FBXO25: variants seen among roughly 807,000 people sequenced by gnomAD.
FBXO25 encodes F-box only protein 25.
Under a neutral mutation model 51.9 loss-of-function variants are expected in FBXO25, and 45 were observed. That is an observed-to-expected ratio of 0.87 (90% CI 0.68 to 1.11). The LOEUF is 1.11. Among genes scored for constraint, FBXO25 ranks in the 50% most tolerant of loss-of-function variants. FBXO25 has a pLI of 0.00. For synonymous variants in FBXO25, 199 were observed against 151.0 expected, an observed-to-expected ratio of 1.32 and a Z score of -2.33; for missense variants, 507 against 428.5, an observed-to-expected ratio of 1.18 and a Z score of -1.62.
At chr8:468,309 T>C in intron 9 of FBXO25, 1 of 1,015,356 alleles carries the variant, frequency 9.8e-7, no homozygotes, top group Non-Finnish European at 1.2e-6. Flanking sequence ...GAGGGAACCC[T>C]GTGTAACAAA....
At chr8:467,990 C>T (rs1362211084) in intron 9 of FBXO25, 3 of 1,363,812 alleles carry the variant, frequency 2.2e-6, no homozygotes, top group Non-Finnish European at 2.8e-6. Flanking sequence ...TAGATGTGCG[C>T]ATAAACACTT....
chr8:456,201 T>TTTTTG (rs796969252), intron 7 of FBXO25, among the ~76,000 whole-genome samples: 40 of 152,332 alleles, frequency 2.6e-4, no homozygotes, highest in African/African-American at 8.9e-4. Flanking sequence ...GCACGTTATC[T>TTTTTG]TTTTGTTTTG....
At chr8:461,876 C>A (rs984390962) in intron 8 of FBXO25, among the ~76,000 whole-genome samples, 2 of 152,210 alleles carry the variant, frequency 1.3e-5, no homozygotes, top group African/African-American at 4.8e-5. Context: ...TGTATATCCA[C>A]TTTTTGTTTA....
chr8:465,336 C>T (rs1800085172), intron 9 of FBXO25, among the ~76,000 whole-genome samples: 1 of 152,188 alleles, frequency 6.6e-6, no homozygotes. Context: ...AGTGCTTCTC[C>T]TAAGAGTTAC....
intron 7 of FBXO25, among the ~76,000 whole-genome samples, chr8:456,761 T>C (rs1417260019): frequency 6.6e-6 from 1 of 152,080 alleles, no homozygotes; most frequent in Non-Finnish European, 1.5e-5. Flanking sequence ...TGGCTTGGAG[T>C]GCATCACTGG....
intron 5 of FBXO25, among the ~76,000 whole-genome samples, chr8:441,581 A>G (rs945496181): frequency 1.3e-5 from 2 of 152,238 alleles, no homozygotes; most frequent in Admixed American, 6.5e-5. Flanking sequence ...CGAAGAGGCA[A>G]CCTACAGAAT....
chr8:419,328 C>T (rs1238306363), intron 2 of FBXO25, among the ~76,000 whole-genome samples: 5 of 152,204 alleles, frequency 3.3e-5, no homozygotes, highest in African/African-American at 1.2e-4. Context: ...GAGATCCTGT[C>T]ATTGCACTCC....
chr8:467,738 C>G, intron 9 of FBXO25: 1 of 1,614,064 alleles, frequency 6.2e-7, no homozygotes. Flanking sequence ...TCTTGCTTTA[C>G]TATTCAAGGT....
intron 4 of FBXO25, among the ~76,000 whole-genome samples, chr8:433,748 G>C (rs1212313811): frequency 1.3e-5 from 2 of 152,182 alleles, no homozygotes; most frequent in African/African-American, 2.4e-5. Context: ...TGTTATTTCA[G>C]GGTAAGTTAA....
chr8:422,865 G>T (rs555923998), intron 2 of FBXO25, among the ~76,000 whole-genome samples: 2 of 152,224 alleles, frequency 1.3e-5, no homozygotes, highest in South Asian at 2.1e-4. Context: ...GCTTTCTATG[G>T]TGTCTTTATT....
intron 8 of FBXO25, among the ~76,000 whole-genome samples, chr8:462,281 T>C (rs572114762): frequency 1.8e-4 from 27 of 152,384 alleles, no homozygotes; most frequent in African/African-American, 5.5e-4. Context: ...TGAGACTTAT[T>C]TAGATAAATG....
rs559458440 is a variant in FBXO25, at chr8:416,326, C to T, written c.134+3113C>T. 5.1e-4 allele frequency among the ~76,000 whole-genome samples: 78 copies of T among 152,356 alleles called. 1 individual carries two copies. Among genetic ancestry groups the T allele is most frequent in the African/African-American group, 1.8e-3 (73 of 41,580 alleles). On this transcript the variant is annotated intron_variant, in intron 2 of 9. Transcript: ENST00000350302. ...TTCAAAACAACCGGATCTCTTGTGTCACCAGGAAATCCAGAGCCATCAGAC... is the reference window on the plus strand; with the variant it reads ...TTCAAAACAACCGGATCTCTTGTGTTACCAGGAAATCCAGAGCCATCAGAC...
At chr8:420,146 A>G (rs987723930) in intron 2 of FBXO25, among the ~76,000 whole-genome samples, 1 of 152,110 alleles carries the variant, frequency 6.6e-6, no homozygotes, top group Non-Finnish European at 1.5e-5. Flanking sequence ...CTGACCAGCT[A>G]GAGATATAAC....
chr8:474,527 T>C lies in FBXO25; in HGVS notation c.*5723T>C, dbSNP rs929360081. ...TTTACATTCCCACTGAAGGTTCCAGTTTTGCCACATCCTTGCCAACACCTG... is the reference window on the plus strand; with the variant it reads ...TTTACATTCCCACTGAAGGTTCCAGCTTTGCCACATCCTTGCCAACACCTG... On this transcript the variant is annotated 3_prime_UTR_variant, in exon 10 of 10. Coordinates refer to ENST00000350302, the MANE Select transcript of FBXO25 (RefSeq NM_183420.2). The C allele has an allele frequency of 2.9e-6, 1 of 343,992 alleles. No homozygotes were observed. The highest frequency in any genetic ancestry group is 2.2e-5 in the African/African-American group (1 of 45,900). 21.3% of individuals were successfully genotyped at this position (343,992 alleles called of 1,614,324 possible).
chr8:448,161 G>A (rs556488262), intron 5 of FBXO25, among the ~76,000 whole-genome samples: 11 of 152,242 alleles, frequency 7.2e-5, no homozygotes, highest in African/African-American at 2.6e-4. Context: ...CTTCAAACAG[G>A]AAAACAAAAC....
Position 468,854 on chromosome 8 carries a change from C to T in FBXO25, c.*50C>T. 1 of 1,565,084 alleles carries T rather than the reference C, an allele frequency of 6.4e-7. No homozygotes were observed. The highest frequency in any genetic ancestry group is 8.7e-7 in the Non-Finnish European group (1 of 1,143,074). The stretch of plus-strand genomic sequence containing the variant: ...GAGATTGTGAATCCTGCTGTCTGTG[C>T]AGGGCTCATAGTGAGTGTTCTGTGA... On this transcript the variant is annotated 3_prime_UTR_variant, in exon 10 of 10. Coordinates refer to ENST00000350302, the MANE Select transcript of FBXO25 (RefSeq NM_183420.2).
At chr8:443,791 G>C (rs916188133) in intron 5 of FBXO25, among the ~76,000 whole-genome samples, 1 of 151,924 alleles carries the variant, frequency 6.6e-6, no homozygotes, top group African/African-American at 2.4e-5. Flanking sequence ...AGTCTGCTTG[G>C]TTCTGCTTTG....
chr8:411,257 C>T (rs1363143303), intron 1 of FBXO25, among the ~76,000 whole-genome samples: 1 of 152,172 alleles, frequency 6.6e-6, no homozygotes, highest in Non-Finnish European at 1.5e-5. Context: ...TCAACTCTTG[C>T]CATGCTTGGC....
chr8:455,802 A>C (rs1234700199), intron 7 of FBXO25, among the ~76,000 whole-genome samples: 1 of 152,214 alleles, frequency 6.6e-6, no homozygotes, highest in African/African-American at 2.4e-5. Context: ...AAGTGCAGCA[A>C]AAAACGCAGC....
Sources: gnomAD v4.1 joint callset for allele counts (sites outside exome capture counted in the v4.1 genomes callset) on GRCh38, gnomAD v4.1.1 for gene constraint, MANE v1.5 for transcripts, NCBI Gene and HGNC (gene_info 2026-07-23, HGNC 2026-07-21) for gene names.